KCNIP2: variants seen among roughly 807,000 people sequenced by gnomAD.
The protein encoded by KCNIP2 is potassium voltage-gated channel interacting protein 2.
Under a neutral mutation model 39.0 loss-of-function variants are expected in KCNIP2, and 19 were observed. The ratio of observed to expected loss-of-function variants is 0.49; its 90% CI spans 0.34 to 0.71. The LOEUF is 0.71. KCNIP2 is among the 30% of genes least tolerant of loss of function. The probability of loss-of-function intolerance (pLI) is 0.01; values close to 1 mark genes in which losing one functional copy is unlikely to be tolerated. For synonymous variants in KCNIP2, 111 were observed against 131.2 expected (o/e 0.85, Z 1.05); for missense variants, 261 against 346.0 (o/e 0.75, Z 1.95).
chr10:101,830,531 G>A (rs922277788), intron 2 of KCNIP2: 49 of 1,104,852 alleles, frequency 4.4e-5, no homozygotes, highest in East Asian at 6.9e-5. Context: ...CCACACTCTC[G>A]GGTCCCACAG....
chr10:101,828,473 G>A lies in KCNIP2; in HGVS notation c.419-14C>T, dbSNP rs753330095. On this transcript the variant is annotated splice_polypyrimidine_tract_variant and intron_variant, in intron 5 of 9. Coordinates refer to ENST00000356640, the MANE Select transcript of KCNIP2 (RefSeq NM_173191.3). The surrounding 1 kb of genome is among the most constrained non-coding windows in gnomAD (Gnocchi z 6.6). The stretch of plus-strand genomic sequence containing the variant: ...AGGTGCTGGAGTCTGCAGGGTGAGT[G>A]TGGAGAAGTTGGCTTCCACACAGGA... 2 of 1,613,798 alleles carry A rather than the reference G, an allele frequency of 1.2e-6. No homozygotes were observed. Among genetic ancestry groups the A allele is most frequent in the Non-Finnish European group, 1.7e-6 (2 of 1,179,884 alleles).
intron 1 of KCNIP2, chr10:101,834,456 G>C (rs1470541220): frequency 1.8e-5 from 7 of 398,362 alleles, no homozygotes; most frequent in African/African-American, 1.0e-4. Context: ...AGACTCCCCA[G>C]CCTGAGTAGG....
intron 1 of KCNIP2, among the ~76,000 whole-genome samples, chr10:101,842,673 C>T (rs1236658477): frequency 6.6e-6 from 1 of 152,194 alleles, no homozygotes; most frequent in Non-Finnish European, 1.5e-5. Flanking sequence ...ACTAAAGTCC[C>T]TCCTTGGGTC....
intron 3 of KCNIP2, chr10:101,829,509 G>A: frequency 2.1e-6 from 1 of 474,688 alleles, no homozygotes; most frequent in Non-Finnish European, 3.7e-6. Context: ...TTTAGAAAGG[G>A]AGGAGTGGGA....
intron 1 of KCNIP2, among the ~76,000 whole-genome samples, chr10:101,832,890 A>T (rs2066042715): frequency 6.6e-6 from 1 of 152,152 alleles, no homozygotes; most frequent in Non-Finnish European, 1.5e-5. Flanking sequence ...ATCTAAAAGG[A>T]ATGGCAAGTT....
At chr10:101,837,083 C>T (rs1453676756) in intron 1 of KCNIP2, among the ~76,000 whole-genome samples, 1 of 152,150 alleles carries the variant, frequency 6.6e-6, no homozygotes, top group Non-Finnish European at 1.5e-5. Flanking sequence ...TGTACTTCAG[C>T]CTAGATGACA....
intron 2 of KCNIP2, chr10:101,830,547 C>A (rs1253742159): frequency 2.0e-6 from 2 of 1,023,506 alleles, no homozygotes; most frequent in African/African-American, 1.7e-5. Context: ...CACAGTTTTG[C>A]GGGAGCGGTG....
chr10:101,827,840 CCTT>C, intron 8 of KCNIP2, 46 bp downstream of exon 8: 1 of 1,552,190 alleles, frequency 6.4e-7, no homozygotes, highest in Non-Finnish European at 8.9e-7. Flanking sequence ...TGGTTCTTGG[CCTT>C]CTTCCCTTCA....
At chr10:101,839,737 C>G (rs767008799) in intron 1 of KCNIP2, 39 of 1,611,574 alleles carry the variant, frequency 2.4e-5, no homozygotes, top group Admixed American at 5.0e-5. Context: ...CCCCTCCCTT[C>G]CCTTCCTCAT....
Position 101,827,949 on chromosome 10 carries a change from C to T in KCNIP2, c.642G>A (p.Lys214=). 6.2e-7 allele frequency: 1 copy of T among 1,614,150 alleles called. No individual in the cohort carries two copies. Among genetic ancestry groups the T allele is most frequent in the Non-Finnish European group, 8.5e-7 (1 of 1,179,998 alleles). ...CCTCCCGGAGTGCAGGGTACGTGTA[C>T]TTGCCCATCATGTCATAGATGGACT... The part of the protein sequence containing the change: ...IMKSIYDMMG[K]YTYPALREEA... The change falls in exon 8 of 10, where the codon AAG becomes AAA. Residue 214 remains lysine (K), a synonymous_variant. Transcript: ENST00000356640.
intron 1 of KCNIP2, among the ~76,000 whole-genome samples, chr10:101,832,783 C>T (rs1044446582): frequency 2.0e-5 from 3 of 152,154 alleles, no homozygotes; most frequent in African/African-American, 7.2e-5. Context: ...CCCCTACCTG[C>T]TTCTAAGCCT....
intron 1 of KCNIP2, among the ~76,000 whole-genome samples, chr10:101,841,529 T>C (rs935637997): frequency 3.3e-5 from 5 of 152,234 alleles, no homozygotes; most frequent in African/African-American, 1.2e-4. Context: ...TGTGTGGAGC[T>C]ATCTACAGCT....
chr10:101,842,776 G>C (rs1392488513), intron 1 of KCNIP2, among the ~76,000 whole-genome samples: 4 of 152,166 alleles, frequency 2.6e-5, no homozygotes, highest in African/African-American at 7.2e-5. Flanking sequence ...GCAGGGATGA[G>C]ACACGTCATA....
At chr10:101,836,869 G>A (rs1393249786) in intron 1 of KCNIP2, among the ~76,000 whole-genome samples, 5 of 152,156 alleles carry the variant, frequency 3.3e-5, no homozygotes, top group Non-Finnish European at 7.3e-5. Context: ...GCTGAGGCAG[G>A]AGAAGTGCTT....
chr10:101,842,744 G>T (rs887119467), intron 1 of KCNIP2, among the ~76,000 whole-genome samples: 1 of 152,140 alleles, frequency 6.6e-6, no homozygotes, highest in African/African-American at 2.4e-5. Flanking sequence ...ACCCCTATCT[G>T]TACCAGGAAG....
rs769463404 is a variant in KCNIP2, at chr10:101,828,778, C to G, written c.349-82G>C. ...CCCCCACCCTCCATGGCCCAAGACTCCCAGGGAGGGGGATAATCTTCAAGC... is the reference window on the plus strand; with the variant it reads ...CCCCCACCCTCCATGGCCCAAGACTGCCAGGGAGGGGGATAATCTTCAAGC... On this transcript the variant is annotated intron_variant, in intron 4 of 9. Coordinates refer to ENST00000356640, the MANE Select transcript of KCNIP2 (RefSeq NM_173191.3). This position sits in a 1 kb window ranked among gnomAD's most constrained non-coding sequence, Gnocchi z 6.6. 1 of 1,611,154 alleles carries G rather than the reference C, an allele frequency of 6.2e-7. No homozygotes were observed. Among genetic ancestry groups the G allele is most frequent in the Admixed American group, 1.7e-5 (1 of 59,572 alleles).
At chr10:101,830,613 GCA>G (rs1413668921) in intron 2 of KCNIP2, among the ~76,000 whole-genome samples, 15 of 151,252 alleles carry the variant, frequency 9.9e-5, no homozygotes, top group South Asian at 4.2e-4. Flanking sequence ...AGCCGCACAC[GCA>G]CACAGTAGCC....
rs2065772063 is a variant in KCNIP2 at position 101,827,257 on chromosome 10, G to A, written c.*96C>T. 1 of 1,421,634 alleles carries A rather than the reference G, an allele frequency of 7.0e-7. No homozygotes were observed. Among genetic ancestry groups the A allele is most frequent in the East Asian group, 2.4e-5 (1 of 41,768 alleles). 88.1% of individuals were successfully genotyped at this position (1,421,634 alleles called of 1,614,324 possible). A position where few individuals can be genotyped will look rare whatever the true frequency, so the allele number is the denominator to read the frequency against. Reference sequence around the variant, plus strand: ...TCCCTCCAGCCCCCAGGGAGGCGTAGGATGAGGATAGACCTGGGAAGAGAA... The same window carrying A: ...TCCCTCCAGCCCCCAGGGAGGCGTAAGATGAGGATAGACCTGGGAAGAGAA... On this transcript the variant is annotated 3_prime_UTR_variant, in exon 10 of 10. Coordinates refer to ENST00000356640, the MANE Select transcript of KCNIP2 (RefSeq NM_173191.3).
Position 101,830,309 on chromosome 10 carries a change from G to A in KCNIP2, c.170-412C>T, listed in dbSNP as rs549758118. ...CCCAAATACCCTGGCGTCTGGAGGA[G>A]GGCAGGCGCCATCCTCTACACCTGT... is the stretch of plus-strand genomic sequence containing the variant. On this transcript the variant is annotated intron_variant, in intron 2 of 9. Transcript: ENST00000356640. 116 of 936,856 alleles carry A rather than the reference G, an allele frequency of 1.2e-4. 1 individual carries two copies. The African/African-American group carries it at 1.8e-3, about 14-fold the overall frequency. The allele number at this position is 936,856 out of a possible 1,614,324, so 58.0% of individuals were successfully genotyped here.
Sources: gnomAD v4.1 joint callset for allele counts (sites outside exome capture counted in the v4.1 genomes callset) on GRCh38, gnomAD v4.1.1 for gene constraint, Gnocchi (gnomAD v3.1) non-coding constraint, MANE v1.5 for transcripts, NCBI Gene and HGNC (gene_info 2026-07-23, HGNC 2026-07-21) for gene names.